Variants in CSRNP3 observed in about 807,000 individuals in gnomAD.
CSRNP3 encodes the protein cysteine and serine rich nuclear protein 3.
A neutral mutation model predicts 48.0 loss-of-function variants in CSRNP3; 12 were observed. The ratio of observed to expected loss-of-function variants is 0.25; its 90% CI spans 0.16 to 0.41. The LOEUF is 0.41. Among genes scored for constraint, CSRNP3 ranks in the 10% least tolerant of loss-of-function variants. The probability of loss-of-function intolerance (pLI) is 1.00; values close to 1 mark genes in which losing one functional copy is unlikely to be tolerated. For missense variants in CSRNP3, 580 were observed against 724.4 expected (o/e 0.80, Z 2.29); for synonymous variants, 263 against 269.7 (o/e 0.98, Z 0.24).
chr2:165,669,489 T>C (rs1364338934), intron 5 of CSRNP3, among the ~76,000 whole-genome samples: 3 of 152,128 alleles, frequency 2.0e-5, no homozygotes, highest in African/African-American at 7.2e-5. Context: ...AGTTGAGCCT[T>C]GATTTTTATT....
At chr2:165,500,443 GTATATA>G (rs34901472) in intron 2 of CSRNP3, among the ~76,000 whole-genome samples, 10 of 142,856 alleles carry the variant, frequency 7.0e-5, no homozygotes, top group Non-Finnish European at 1.2e-4. Context: ...ACACACACGT[GTATATA>G]TATATATATA....
At chr2:165,491,615 C>A (rs1417111283) in intron 1 of CSRNP3, among the ~76,000 whole-genome samples, 7 of 50,734 alleles carry the variant, frequency 1.4e-4, no homozygotes, top group African/African-American at 5.3e-4. Flanking sequence ...GAATACTATG[C>A]AGCCATAAAA....
At chr2:165,477,268 G>A (rs1472042169) in intron 1 of CSRNP3, among the ~76,000 whole-genome samples, 1 of 151,586 alleles carries the variant, frequency 6.6e-6, no homozygotes, top group Admixed American at 6.6e-5. Context: ...ATCCATTCCT[G>A]TTAAGTCTTT....
At chr2:165,597,336 A>T (rs946312211) in intron 4 of CSRNP3, among the ~76,000 whole-genome samples, 84 of 152,216 alleles carry the variant, frequency 5.5e-4, no homozygotes, top group Non-Finnish European at 1.8e-4. Context: ...AACATGTTAT[A>T]TATGAAAATT....
At chr2:165,481,123 A>T (rs968417501) in intron 1 of CSRNP3, among the ~76,000 whole-genome samples, 2 of 152,182 alleles carry the variant, frequency 1.3e-5, no homozygotes, top group Non-Finnish European at 2.9e-5. Context: ...TCAATGAAAT[A>T]CAATGTATTA....
intron 3 of CSRNP3, among the ~76,000 whole-genome samples, chr2:165,566,155 C>T (rs986185446): frequency 1.3e-5 from 2 of 151,898 alleles, no homozygotes; most frequent in Non-Finnish European, 2.9e-5. Context: ...TACAGACAGA[C>T]TCTAAGATGC....
At chr2:165,506,592 C>T (rs561957230) in intron 2 of CSRNP3, among the ~76,000 whole-genome samples, 1 of 152,162 alleles carries the variant, frequency 6.6e-6, no homozygotes, top group Non-Finnish European at 1.5e-5. Context: ...TACATCGCCT[C>T]TTCCTTTGGG....
At chr2:165,596,055 A>G (rs936262171) in intron 4 of CSRNP3, among the ~76,000 whole-genome samples, 1 of 151,712 alleles carries the variant, frequency 6.6e-6, no homozygotes, top group Non-Finnish European at 1.5e-5. Context: ...TCCTGACCTC[A>G]GGTGATCCAC....
In CSRNP3 at chr2:165,679,212, T is replaced by C. The variant is rs974230994; in HGVS notation, c.1217T>C (p.Leu406Pro). Residue 406 changes from leucine (L) to proline (P), a missense_variant, in exon 7 of 7, where the codon CTT becomes CCT. Physicochemically the swap from Leu to Pro is moderately conservative, Grantham distance 98. This residue lies in a region of CSRNP3 where 369 missense variants were observed against 380.8 expected (regional missense o/e 0.97). Transcript: ENST00000651982. The stretch of plus-strand genomic sequence containing the variant: ...GGCACCCATGCCGAAGTTGTCCCTC[T>C]TCCTTCAGTTCTTTGTTATTCTGAT... The part of the protein sequence containing the change: ...GLGTHAEVVP[L>P]PSVLCYSDGT... 6.2e-7 allele frequency: 1 copy of C among 1,613,880 alleles called. No homozygotes were observed. Among genetic ancestry groups the C allele is most frequent in the Non-Finnish European group, 8.5e-7 (1 of 1,180,004 alleles).
chr2:165,514,580 C>T (rs1382862289), intron 2 of CSRNP3, among the ~76,000 whole-genome samples: 1 of 152,242 alleles, frequency 6.6e-6, no homozygotes, highest in Non-Finnish European at 1.5e-5. Context: ...GTAACATCCA[C>T]CCAGCACAGG....
chr2:165,625,161 GCCTT>G (rs904291728), intron 4 of CSRNP3, among the ~76,000 whole-genome samples: 4 of 152,174 alleles, frequency 2.6e-5, no homozygotes, highest in African/African-American at 9.7e-5. Flanking sequence ...GGACCAGTGA[GCCTT>G]TCTTTCATTC....
At chr2:165,653,130 G>A (rs1376207295) in intron 4 of CSRNP3, among the ~76,000 whole-genome samples, 3 of 152,150 alleles carry the variant, frequency 2.0e-5, no homozygotes, top group Non-Finnish European at 4.4e-5. Flanking sequence ...ATTAAGGCCT[G>A]GAGTCAGGAG....
In CSRNP3 at chr2:165,687,971, T is replaced by C. The variant is rs971697796; in HGVS notation, c.*8218T>C. The C allele has an allele frequency of 6.6e-6, 1 of 151,780 alleles. No individual in the cohort carries two copies. The allele number at this position is 151,780 out of a possible 1,614,324, so 9.4% of individuals were successfully genotyped here. A position where few individuals can be genotyped will look rare whatever the true frequency, so the allele number is the denominator to read the frequency against. On this transcript the variant is annotated 3_prime_UTR_variant, in exon 7 of 7. Transcript: ENST00000651982. ...GCATATCTCCCAAACTCGGATGCTC[T>C]TGTGAAATGACAGCCACATCAGTGT...
intron 4 of CSRNP3, among the ~76,000 whole-genome samples, chr2:165,610,860 GC>G (rs78701497): frequency 0.14 from 20,831 of 152,134 alleles, 1,796 homozygotes; most frequent in East Asian, 0.35. Context: ...ACATGTGAGA[GC>G]TTTTATGAGT....
chr2:165,612,440 CTT>C (rs1368907916), intron 4 of CSRNP3, among the ~76,000 whole-genome samples: 1 of 152,026 alleles, frequency 6.6e-6, no homozygotes. Flanking sequence ...AAAATCCTCT[CTT>C]GTAGCTTTCT....
At chr2:165,575,718 T>C (rs13409101) in intron 3 of CSRNP3, among the ~76,000 whole-genome samples, 57,933 of 151,746 alleles carry the variant, frequency 0.38, 11,187 homozygotes, top group South Asian at 0.47. Flanking sequence ...AGGATAGCTA[T>C]TTAAAACAGT....
intron 1 of CSRNP3, among the ~76,000 whole-genome samples, chr2:165,480,994 GA>G (rs907244627): frequency 5.3e-5 from 8 of 150,092 alleles, no homozygotes; most frequent in Admixed American, 1.3e-4. Flanking sequence ...ATAAAAATAT[GA>G]AAAAAAATTA....
intron 4 of CSRNP3, among the ~76,000 whole-genome samples, chr2:165,643,952 T>A (rs1349722737): frequency 6.6e-6 from 1 of 152,220 alleles, no homozygotes; most frequent in Non-Finnish European, 1.5e-5. Flanking sequence ...AGAATCATTT[T>A]GTAAAACCAT....
chr2:165,603,096 CG>C (rs1558947407), intron 4 of CSRNP3, among the ~76,000 whole-genome samples: 1 of 151,868 alleles, frequency 6.6e-6, no homozygotes, highest in Non-Finnish European at 1.5e-5. Context: ...GGGGCTTCAC[CG>C]TGTTAGCCAG....
Sources: allele counts gnomAD v4.1 joint callset (sites outside exome capture counted in the v4.1 genomes callset), GRCh38; gene constraint gnomAD v4.1.1; regional missense constraint gnomAD v4.1.1; transcripts MANE v1.5; gene names NCBI Gene and HGNC (gene_info 2026-07-23, HGNC 2026-07-21).